The following RGS8 variants were observed in gnomAD, a reference collection of about 807,000 sequenced individuals.
The protein encoded by RGS8 is regulator of G protein signaling 8.
RGS8 carries 8 observed loss-of-function variants against 21.7 expected under a neutral mutation model. The observed-to-expected ratio is 0.37, with a 90% CI of 0.22 to 0.66. The LOEUF is 0.66. RGS8 is among the 30% of genes least tolerant of loss of function. The pLI, the probability that RGS8 is intolerant of heterozygous loss-of-function variation, is 0.59. For missense variants in RGS8, 157 were observed against 217.9 expected (o/e 0.72, Z 1.76); for synonymous variants, 80 against 83.6 (o/e 0.96, Z 0.24).
the RGS8 span, among the ~76,000 whole-genome samples, chr1:182,731,786 T>C: frequency 6.6e-6 from 1 of 152,228 alleles, no homozygotes; most frequent in Non-Finnish European, 1.5e-5. Flanking sequence ...GTCCTACAGA[T>C]CACAGTTTGA....
chr1:182,687,832 A>G (rs185915498), upstream of RGS8, among the ~76,000 whole-genome samples: 1 of 152,368 alleles, frequency 6.6e-6, no homozygotes, highest in East Asian at 1.9e-4. Flanking sequence ...AACTGAACCA[A>G]TACAGAAAAT....
chr1:182,702,491 C>A, the RGS8 span, among the ~76,000 whole-genome samples: 1 of 152,078 alleles, frequency 6.6e-6, no homozygotes, highest in African/African-American at 2.4e-5. Flanking sequence ...TGCAATATAC[C>A]CAGGTAACAA....
chr1:182,734,964 A>C, the RGS8 span, among the ~76,000 whole-genome samples: 1 of 152,270 alleles, frequency 6.6e-6, no homozygotes, highest in Non-Finnish European at 1.5e-5. Flanking sequence ...TTAGCACAAT[A>C]TAACCAAGAT....
chr1:182,698,964 C>A, the RGS8 span, among the ~76,000 whole-genome samples: 1 of 152,220 alleles, frequency 6.6e-6, no homozygotes, highest in South Asian at 2.1e-4. Context: ...GTGTAAGCGC[C>A]CAGAGACTTA....
intron 5 of RGS8, among the ~76,000 whole-genome samples, chr1:182,654,272 A>G (rs1485255137): frequency 6.6e-6 from 1 of 152,200 alleles, no homozygotes; most frequent in South Asian, 2.1e-4. Flanking sequence ...GGAGATTAAA[A>G]GAAGCAAAAG....
chr1:182,689,810 G>C, the RGS8 span, among the ~76,000 whole-genome samples: 1 of 152,118 alleles, frequency 6.6e-6, no homozygotes, highest in African/African-American at 2.4e-5. Flanking sequence ...GGCGCAAATG[G>C]GCACAGGCCA....
chr1:182,744,348 C>A, the RGS8 span, among the ~76,000 whole-genome samples: 1 of 152,010 alleles, frequency 6.6e-6, no homozygotes, highest in Non-Finnish European at 1.5e-5. Context: ...TGGTGTTGAA[C>A]TCCTTGGCTC....
upstream of RGS8, among the ~76,000 whole-genome samples, chr1:182,688,333 A>C (rs752091942): frequency 2.0e-5 from 3 of 151,680 alleles, no homozygotes; most frequent in Non-Finnish European, 4.4e-5. Context: ...TAGATAGTAC[A>C]CACACACACT....
chr1:182,642,232 T>C (rs189032280), downstream of RGS8: 1 of 152,426 alleles, frequency 6.6e-6, no homozygotes, highest in Admixed American at 6.5e-5. Flanking sequence ...TCTTGGCTTC[T>C]TCCTCCACCA....
chr1:182,720,862 CATATATACACATATATGTAT>C, the RGS8 span, among the ~76,000 whole-genome samples: 21 of 145,052 alleles, frequency 1.4e-4, 1 homozygote, highest in African/African-American at 2.3e-4. Context: ...CATATATATA[CATATATACACATATATGTAT>C]ATATATACAC....
chr1:182,742,107 C>T, the RGS8 span, among the ~76,000 whole-genome samples: 6 of 146,796 alleles, frequency 4.1e-5, no homozygotes, highest in South Asian at 2.2e-4. Context: ...GACAGGGCGG[C>T]GGGGCAGAGG....
chr1:182,707,093 G>C, the RGS8 span, among the ~76,000 whole-genome samples: 1 of 152,036 alleles, frequency 6.6e-6, no homozygotes, highest in Non-Finnish European at 1.5e-5. Flanking sequence ...GGGAGGTGGA[G>C]GTTGCATTGA....
At chr1:182,735,263 A>C in the RGS8 span, among the ~76,000 whole-genome samples, 1 of 152,252 alleles carries the variant, frequency 6.6e-6, no homozygotes, top group Admixed American at 6.5e-5. Context: ...ATTTTAATGC[A>C]TCTTATTAAA....
the RGS8 span, among the ~76,000 whole-genome samples, chr1:182,710,151 G>A: frequency 8.2e-3 from 1,248 of 152,216 alleles, 20 homozygotes; most frequent in African/African-American, 0.029. Context: ...CCCAAAATGA[G>A]GAAGGCCTCA....
downstream of RGS8, chr1:182,642,096 C>G (rs530361999): frequency 6.6e-6 from 1 of 152,348 alleles, no homozygotes; most frequent in East Asian, 1.9e-4. Context: ...AGGAAAGGAA[C>G]AGTTTATTGA....
chr1:182,668,924 T>G lies in RGS8; in HGVS notation c.26+700A>C, dbSNP rs888911525. ...AGACCAAAGCCCAACTTTCAGTGAG[T>G]TGGTTCATTCCTTGTGCCTCAGGAT... is the stretch of plus-strand genomic sequence containing the variant. On this transcript the variant is annotated intron_variant, in intron 3 of 6. Coordinates refer to ENST00000483095, the Ensembl canonical transcript of RGS8. Among the ~76,000 whole-genome samples the G allele has an allele frequency of 2.6e-5, 4 of 152,140 alleles. No homozygotes were observed. In the East Asian group the frequency reaches 7.7e-4, roughly 29 times the overall value.
the RGS8 span, among the ~76,000 whole-genome samples, chr1:182,691,303 A>G: frequency 2.0e-5 from 3 of 152,176 alleles, no homozygotes; most frequent in East Asian, 1.9e-4. Context: ...TTGAACACCA[A>G]CTATTTTTAA....
chr1:182,704,775 G>A, the RGS8 span, among the ~76,000 whole-genome samples: 85 of 152,300 alleles, frequency 5.6e-4, no homozygotes, highest in Middle Eastern at 3.4e-3. Flanking sequence ...TTATGGCAGG[G>A]AGGTGGCCTT....
At chr1:182,643,331 G>GCCCCCCCCCC (rs913799391), downstream of RGS8, 1 of 69,286 alleles carries the variant, frequency 1.4e-5, no homozygotes, top group African/African-American at 6.5e-5. Flanking sequence ...CAGCCCCCCC[G>GCCCCCCCCCC]CCCCCGCGCT....
Sources: allele counts gnomAD v4.1 joint callset (sites outside exome capture counted in the v4.1 genomes callset), GRCh38; gene constraint gnomAD v4.1.1; transcripts MANE v1.5; gene names NCBI Gene and HGNC (gene_info 2026-07-23, HGNC 2026-07-21).